Variants in CPPED1 observed in about 807,000 individuals in gnomAD.
CPPED1 encodes the protein calcineurin like phosphoesterase domain containing 1.
A neutral mutation model predicts 28.0 loss-of-function variants in CPPED1; 28 were observed. The observed-to-expected ratio is 1.00, with a 90% confidence interval of 0.74 to 1.37. The LOEUF (loss-of-function observed/expected upper bound fraction) is 1.37. CPPED1 is among the 40% of genes most tolerant of loss of function. The pLI is 0.00. For synonymous variants in CPPED1, 198 were observed against 180.2 expected (o/e 1.10, Z -0.79); for missense variants, 504 against 416.5 (o/e 1.21, Z -1.83).
At chr16:12,678,468 T>C (rs1297528179) in intron 3 of CPPED1, among the ~76,000 whole-genome samples, 3 of 152,258 alleles carry the variant, frequency 2.0e-5, no homozygotes, top group African/African-American at 7.2e-5. Context: ...ATTGGGATTT[T>C]GTTGAATCTG....
At chr16:12,731,213 G>C (rs908403296) in intron 2 of CPPED1, among the ~76,000 whole-genome samples, 5 of 150,718 alleles carry the variant, frequency 3.3e-5, no homozygotes, top group Non-Finnish European at 7.4e-5. Context: ...GAGTGCAGTG[G>C]CGCGATCTCG....
intron 2 of CPPED1, among the ~76,000 whole-genome samples, chr16:12,743,978 G>C (rs2080269690): frequency 6.6e-6 from 1 of 151,698 alleles, no homozygotes; most frequent in Admixed American, 6.6e-5. Flanking sequence ...AAACCAAAAA[G>C]AAAGAAAGAA....
At chr16:12,736,802 A>G (rs1194825469) in intron 2 of CPPED1, among the ~76,000 whole-genome samples, 1 of 152,220 alleles carries the variant, frequency 6.6e-6, no homozygotes, top group Non-Finnish European at 1.5e-5. Context: ...TGCAGCTAAT[A>G]GGTAAAGCAG....
At chr16:12,731,217 G>A (rs112486774) in intron 2 of CPPED1, among the ~76,000 whole-genome samples, 7 of 150,020 alleles carry the variant, frequency 4.7e-5, no homozygotes, top group Non-Finnish European at 7.4e-5. Flanking sequence ...GCAGTGGCGC[G>A]ATCTCGGCTC....
intron 3 of CPPED1, among the ~76,000 whole-genome samples, chr16:12,688,437 G>T (rs527814797): frequency 7.3e-5 from 11 of 150,444 alleles, no homozygotes; most frequent in Non-Finnish European, 1.6e-4. Flanking sequence ...CTGGGTTGAA[G>T]TGATTATTCT....
intron 3 of CPPED1, among the ~76,000 whole-genome samples, chr16:12,694,902 G>A (rs1342098935): frequency 6.6e-6 from 1 of 151,838 alleles, no homozygotes; most frequent in Non-Finnish European, 1.5e-5. Context: ...TTCAGCCTCT[G>A]GAGTAGCTGT....
intron 2 of CPPED1, among the ~76,000 whole-genome samples, chr16:12,772,837 C>G (rs1474413645): frequency 6.6e-6 from 1 of 152,196 alleles, no homozygotes; most frequent in Non-Finnish European, 1.5e-5. Context: ...CCAAGTTTTT[C>G]TAACTTTAGA....
chr16:12,794,320 C>T (rs901122739), intron 1 of CPPED1, among the ~76,000 whole-genome samples: 6 of 152,032 alleles, frequency 3.9e-5, no homozygotes, highest in Admixed American at 2.6e-4. Context: ...GAATTGTACA[C>T]ATTTACACTG....
intron 3 of CPPED1, among the ~76,000 whole-genome samples, chr16:12,697,606 T>G (rs1030231629): frequency 6.6e-6 from 1 of 151,884 alleles, no homozygotes; most frequent in African/African-American, 2.4e-5. Context: ...AAGCCAAGAG[T>G]TGGAAAATTA....
intron 2 of CPPED1, among the ~76,000 whole-genome samples, chr16:12,735,479 A>G (rs112002020): frequency 0.048 from 7,353 of 152,170 alleles, 614 homozygotes; most frequent in African/African-American, 0.17. Flanking sequence ...TAATTTTTGT[A>G]TTTTTATTAC....
chr16:12,713,459 G>A (rs2141192816), intron 2 of CPPED1, among the ~76,000 whole-genome samples: 1 of 152,124 alleles, frequency 6.6e-6, no homozygotes, highest in South Asian at 2.1e-4. Context: ...TCTGCCTCCT[G>A]GGTTCATGCG....
At chr16:12,761,402 T>C (rs149974942) in intron 2 of CPPED1, among the ~76,000 whole-genome samples, 172 of 152,128 alleles carry the variant, frequency 1.1e-3, no homozygotes, top group African/African-American at 4.0e-3. Flanking sequence ...GCTGGGCAAG[T>C]TGTTTGACCT....
At chr16:12,773,019 T>C (rs2080478389) in intron 2 of CPPED1, among the ~76,000 whole-genome samples, 1 of 152,222 alleles carries the variant, frequency 6.6e-6, no homozygotes, top group Non-Finnish European at 1.5e-5. Flanking sequence ...GAAGGCAGTT[T>C]TGCCACCAGC....
intron 2 of CPPED1, among the ~76,000 whole-genome samples, chr16:12,727,726 T>G (rs2080177228): frequency 6.6e-6 from 1 of 152,152 alleles, no homozygotes; most frequent in Non-Finnish European, 1.5e-5. Flanking sequence ...CTATACAACT[T>G]CTGAATCCAT....
At position 12,665,003 on chromosome 16, in the gene CPPED1, G is replaced by T. The variant is rs746018723; in HGVS notation, c.828C>A (p.His276Gln). Residue 276 changes from histidine (H) to glutamine (Q), a missense_variant, in exon 4 of 4, where the codon CAC (histidine) becomes CAA (glutamine). His to Gln is a conservative substitution (Grantham distance 24). Coordinates refer to ENST00000381774, the MANE Select transcript of CPPED1 (RefSeq NM_018340.3). ...AIGCQLGRDP[H>Q]GLRVVVVTAE... is the part of the protein sequence containing the mutation. ...CGGTGACCACCACGACTCGGAGCCC[G>T]TGGGGGTCTCTGCCCAGCTGGCATC... The T allele has an allele frequency of 8.7e-6, 14 of 1,611,522 alleles. No homozygotes were observed. Among genetic ancestry groups the T allele is most frequent in the South Asian group, 2.2e-5 (2 of 90,774 alleles).
chr16:12,770,050 G>A (rs1397700434), intron 2 of CPPED1, among the ~76,000 whole-genome samples: 1 of 152,142 alleles, frequency 6.6e-6, no homozygotes, highest in Non-Finnish European at 1.5e-5. Context: ...CTGTTCAATG[G>A]AAATGTTCTG....
intron 2 of CPPED1, among the ~76,000 whole-genome samples, chr16:12,740,660 A>AG (rs1469183208): frequency 2.6e-5 from 4 of 152,268 alleles, no homozygotes; most frequent in African/African-American, 9.6e-5. Context: ...TTTATATAGC[A>AG]GGGGTTTTCA....
chr16:12,679,034 T>G (rs2079891947), intron 3 of CPPED1, among the ~76,000 whole-genome samples: 1 of 152,220 alleles, frequency 6.6e-6, no homozygotes, highest in South Asian at 2.1e-4. Flanking sequence ...CATAATCAAT[T>G]TAAATACCCA....
chr16:12,676,768 G>A (rs1207775499), intron 3 of CPPED1, among the ~76,000 whole-genome samples: 3 of 151,882 alleles, frequency 2.0e-5, no homozygotes, highest in Admixed American at 2.0e-4. Context: ...TAATAATAAT[G>A]ATGATAATAA....
Sources: allele counts gnomAD v4.1 joint callset (sites outside exome capture counted in the v4.1 genomes callset), GRCh38; gene constraint gnomAD v4.1.1; transcripts MANE v1.5; gene names NCBI Gene and HGNC (gene_info 2026-07-23, HGNC 2026-07-21).